FHOD3: variants seen among roughly 807,000 people sequenced by gnomAD.
FHOD3 encodes the protein formin homology 2 domain containing 3, also known as FH1/FH2 domain-containing protein 3.
FHOD3 carries 90 observed loss-of-function variants against 173.0 expected under a neutral mutation model. That is an observed-to-expected ratio of 0.52 (90% confidence interval 0.44 to 0.62). FHOD3 has a LOEUF of 0.62. FHOD3 is among the 20% of genes least tolerant of loss of function. FHOD3 has a pLI of 0.00. For synonymous variants in FHOD3, 828 were observed against 823.0 expected, an observed-to-expected ratio of 1.01 and a Z score of -0.10; for missense variants, 1,945 against 2,034.7, an observed-to-expected ratio of 0.96 and a Z score of 0.85.
At chr18:36,430,428 C>G (rs1472619700) in intron 3 of FHOD3, among the ~76,000 whole-genome samples, 2 of 152,176 alleles carry the variant, frequency 1.3e-5, no homozygotes, top group Non-Finnish European at 2.9e-5. Context: ...GTTGGTCAGG[C>G]TCGTCTGGAA....
In FHOD3 at chr18:36,760,559, T is replaced by C. The variant is rs2042824910; in HGVS notation, c.4450-49T>C. 2.0e-6 allele frequency: 3 copies of C among 1,466,426 alleles called. No individual in the cohort carries two copies. The East Asian group carries it at 7.5e-5, about 37-fold the overall frequency. The allele number at this position is 1,466,426 out of a possible 1,614,324, so 90.8% of individuals were successfully genotyped here. A position where few individuals can be genotyped will look rare whatever the true frequency, so the allele number is the denominator to read the frequency against. On this transcript the variant is annotated intron_variant, in intron 26 of 28. Transcript: ENST00000590592. ...CCACGGGTTTTAGAAGCTTGAGTTG[T>C]CTTTTTGGGGAGTCTCCCTCACCTG...
Position 36,351,313 on chromosome 18 carries a change from G to C in FHOD3, c.166-4226G>C, listed in dbSNP as rs184704288. 2.9e-3 allele frequency among the ~76,000 whole-genome samples: 442 copies of C among 152,306 alleles called. 3 individuals are homozygous for C. Among genetic ancestry groups the C allele is most frequent in the Non-Finnish European group, 4.5e-3 (303 of 68,034 alleles). The stretch of plus-strand genomic sequence containing the variant: ...TGCCCACCCATTTATTAGGGATCCG[G>C]GTTGTGACATCTGGCGTAGGAGGTA... On this transcript the variant is annotated intron_variant, in intron 1 of 28. Transcript: ENST00000590592.
At chr18:36,746,838 T>A in intron 23 of FHOD3, 107 bp from the exon 24 acceptor site, 2 of 744,104 alleles carry the variant, frequency 2.7e-6, no homozygotes, top group Non-Finnish European at 4.3e-6. Flanking sequence ...TTTCAAAATG[T>A]GAATTTCGTT....
intron 19 of FHOD3, among the ~76,000 whole-genome samples, chr18:36,723,470 T>C (rs2040894215): frequency 6.6e-6 from 1 of 152,208 alleles, no homozygotes. Context: ...AATTCCATAG[T>C]TGTCACATCT....
chr18:36,512,583 A>C, intron 5 of FHOD3, 40 bp downstream of exon 5: 1 of 1,429,724 alleles, frequency 7.0e-7, no homozygotes. Context: ...CCCCAGCTGC[A>C]GGGGGGATCT....
At chr18:36,677,374 A>G (rs1452937036) in intron 14 of FHOD3, among the ~76,000 whole-genome samples, 1 of 151,930 alleles carries the variant, frequency 6.6e-6, no homozygotes, top group Non-Finnish European at 1.5e-5. Flanking sequence ...CTGGTCTCAA[A>G]CTCCTGACCG....
intron 10 of FHOD3, among the ~76,000 whole-genome samples, chr18:36,642,189 A>G (rs917359903): frequency 6.6e-6 from 1 of 152,194 alleles, no homozygotes; most frequent in Non-Finnish European, 1.5e-5. Context: ...ACTATTAGAT[A>G]TTAGGCTTAG....
chr18:36,302,931 G>GA lies in FHOD3; in HGVS notation c.165+4933dup, dbSNP rs2091992392. 2.6e-5 allele frequency among the ~76,000 whole-genome samples: 4 copies of GA among 152,330 alleles called. No individual in the cohort carries two copies. The South Asian group carries it at 8.3e-4, about 32-fold the overall frequency. The stretch of plus-strand genomic sequence containing the variant: ...CTATTGAGATCAGGATCATGGGATT[G>GA]AACCCTTCATGGGTCAGTTGGCTTT... On this transcript the variant is annotated intron_variant, in intron 1 of 28. Coordinates refer to ENST00000590592, the MANE Select transcript of FHOD3 (RefSeq NM_001281740.3).
chr18:36,376,230 G>A (rs113142066), intron 3 of FHOD3, among the ~76,000 whole-genome samples: 2 of 152,248 alleles, frequency 1.3e-5, no homozygotes, highest in East Asian at 1.9e-4. Context: ...GTTTGAAGTC[G>A]TTAAGACCCT....
intron 5 of FHOD3, among the ~76,000 whole-genome samples, chr18:36,571,413 A>G (rs1287611856): frequency 6.6e-6 from 1 of 152,224 alleles, no homozygotes; most frequent in Non-Finnish European, 1.5e-5. Context: ...TAACAGGTTT[A>G]TAGGTTAGAA....
chr18:36,755,951 C>A (rs1316397181), intron 25 of FHOD3, among the ~76,000 whole-genome samples: 4 of 152,096 alleles, frequency 2.6e-5, no homozygotes, highest in Non-Finnish European at 5.9e-5. Flanking sequence ...CTCCCCTGCT[C>A]CCGGGCTCTT....
chr18:36,763,400 G>A (rs1333973251), intron 27 of FHOD3, among the ~76,000 whole-genome samples: 3 of 136,764 alleles, frequency 2.2e-5, no homozygotes, highest in African/African-American at 9.1e-5. Flanking sequence ...TACAATATGC[G>A]TATTATACAC....
chr18:36,706,326 A>G (rs1429593243), intron 17 of FHOD3, among the ~76,000 whole-genome samples: 2 of 152,224 alleles, frequency 1.3e-5, no homozygotes, highest in Non-Finnish European at 1.5e-5. Flanking sequence ...ATTTGCAATC[A>G]GACCTTGTAG....
intron 5 of FHOD3, among the ~76,000 whole-genome samples, chr18:36,541,249 CAAA>C (rs770104487): frequency 4.0e-3 from 162 of 40,316 alleles, no homozygotes; most frequent in African/African-American, 0.014. Context: ...GACTCTGTCT[CAAA>C]AAAAAAAAAA....
intron 1 of FHOD3, among the ~76,000 whole-genome samples, chr18:36,318,528 G>A (rs2044240958): frequency 6.6e-6 from 1 of 152,162 alleles, no homozygotes; most frequent in African/African-American, 2.4e-5. Context: ...CTCTCTGTTT[G>A]TCTATTGTTG....
intron 25 of FHOD3, among the ~76,000 whole-genome samples, chr18:36,758,792 T>C (rs1416473550): frequency 6.6e-6 from 1 of 152,224 alleles, no homozygotes; most frequent in Non-Finnish European, 1.5e-5. Context: ...CTCAGCACGA[T>C]GCACAGCTGC....
chr18:36,375,672 A>G (rs1056786457), intron 3 of FHOD3, among the ~76,000 whole-genome samples: 5 of 152,110 alleles, frequency 3.3e-5, no homozygotes, highest in Non-Finnish European at 7.4e-5. Flanking sequence ...GTGAGCCTTT[A>G]TGGTTAGCAG....
chr18:36,431,043 G>A (rs2050520215), intron 3 of FHOD3, among the ~76,000 whole-genome samples: 1 of 152,178 alleles, frequency 6.6e-6, no homozygotes, highest in Non-Finnish European at 1.5e-5. Flanking sequence ...TAATTGATAT[G>A]TTATATATCA....
intron 1 of FHOD3, among the ~76,000 whole-genome samples, chr18:36,332,080 C>A (rs2045046446): frequency 6.6e-6 from 1 of 152,154 alleles, no homozygotes; most frequent in Non-Finnish European, 1.5e-5. Flanking sequence ...TGCAGTGTTC[C>A]CTTCAGCCAG....
Sources: allele counts gnomAD v4.1 joint callset (sites outside exome capture counted in the v4.1 genomes callset), GRCh38; gene constraint gnomAD v4.1.1; transcripts MANE v1.5; gene names NCBI Gene and HGNC (gene_info 2026-07-23, HGNC 2026-07-21).